PLXDC1: variants seen among roughly 807,000 people sequenced by gnomAD.
PLXDC1 encodes the protein plexin domain-containing protein 1.
PLXDC1 carries 39 observed loss-of-function variants against 61.3 expected under a neutral mutation model. The ratio of observed to expected loss-of-function variants is 0.64; its 90% confidence interval spans 0.49 to 0.83. The LOEUF (loss-of-function observed/expected upper bound fraction) is 0.83, where lower values mean the gene tolerates loss of function less well. Ranked by LOEUF, PLXDC1 falls within the 40% of genes least tolerant of loss-of-function variation. PLXDC1 has a pLI of 0.00. For missense variants in PLXDC1, 596 were observed against 666.5 expected (o/e 0.89, Z 1.17); for synonymous variants, 212 against 254.5 (o/e 0.83, Z 1.59).
In PLXDC1 at chr17:39,151,337, C is replaced by T; in HGVS notation, c.76+25G>A. The T allele has an allele frequency of 2.4e-6, 3 of 1,271,820 alleles. No homozygotes were observed. Among genetic ancestry groups the T allele is most frequent in the Non-Finnish European group, 3.0e-6 (3 of 1,008,036 alleles). The allele number at this position is 1,271,820 out of a possible 1,614,324, so 78.8% of individuals were successfully genotyped here. ...CCGTCCCTCCCCGCCCCCGGCCCAC[C>T]CGGGCCGGCTCCCGCCAGTCCTACC... On this transcript the variant is annotated intron_variant, in intron 1 of 13. Transcript: ENST00000315392. The surrounding 1 kb of genome is among the most constrained non-coding windows in gnomAD (Gnocchi z 5.2).
intron 2 of PLXDC1, among the ~76,000 whole-genome samples, chr17:39,133,145 C>T (rs948546953): frequency 5.9e-5 from 9 of 152,146 alleles, no homozygotes; most frequent in Non-Finnish European, 1.2e-4. Flanking sequence ...ACACCTGTGC[C>T]GGACTCCCAG....
At position 39,069,871 on chromosome 17, in the gene PLXDC1, C is replaced by T. The variant is rs61742536; in HGVS notation, c.1368G>A (p.Ala456=). 54 of 1,613,680 alleles carry T rather than the reference C, an allele frequency of 3.3e-5. No homozygotes were observed. The highest frequency in any genetic ancestry group is 4.2e-5 in the Non-Finnish European group (49 of 1,179,804). Residue 456 remains alanine, a synonymous_variant, in exon 13 of 14, where the codon GCG becomes GCA. Coordinates refer to ENST00000315392, the MANE Select transcript of PLXDC1 (RefSeq NM_020405.5). ...YINGHPTSNA[A]LFFIERRPHH... ...TGACACGGACCTCGATGAAGAAGAG[C>T]GCAGCATTGGATGTGGGGTGGCCAT...
At chr17:39,088,913 C>T (rs943619590) in intron 7 of PLXDC1, among the ~76,000 whole-genome samples, 7 of 120,432 alleles carry the variant, frequency 5.8e-5, no homozygotes, top group Non-Finnish European at 1.1e-4. Context: ...TGTGCCACTG[C>T]ACTCCAGCCT....
intron 2 of PLXDC1, among the ~76,000 whole-genome samples, chr17:39,116,874 C>G (rs556150311): frequency 6.6e-6 from 1 of 152,210 alleles, no homozygotes; most frequent in Non-Finnish European, 1.5e-5. Context: ...AAAGGAGAAA[C>G]CTCGCACCAA....
chr17:39,068,664 G>A (rs1908991652), intron 13 of PLXDC1, among the ~76,000 whole-genome samples: 1 of 152,184 alleles, frequency 6.6e-6, no homozygotes, highest in Non-Finnish European at 1.5e-5. Context: ...GCGACAGAGT[G>A]AGACTGTCTC....
Position 39,143,369 on chromosome 17 carries a change from C to T in PLXDC1, c.77-3537G>A, listed in dbSNP as rs190378936. On this transcript the variant is annotated intron_variant, in intron 1 of 13. Coordinates refer to ENST00000315392, the MANE Select transcript of PLXDC1 (RefSeq NM_020405.5). ...TCAACCTCTGCCTTCCCCCAGCCCACTCCCCAGAGCTCCTGGATGTGGCTC... is the reference window on the plus strand; with the variant it reads ...TCAACCTCTGCCTTCCCCCAGCCCATTCCCCAGAGCTCCTGGATGTGGCTC... 2.3e-3 allele frequency among the ~76,000 whole-genome samples: 345 copies of T among 152,354 alleles called. 8 individuals carry two copies. The East Asian group carries it at 0.036, about 16-fold the overall frequency.
chr17:39,152,795 G>C, upstream of PLXDC1: 27 of 711,146 alleles, frequency 3.8e-5, no homozygotes, highest in South Asian at 7.3e-5. Context: ...GAAAAGAAAA[G>C]AAAAAAAAAC....
chr17:39,129,667 A>AAG (rs1164758453), intron 2 of PLXDC1, among the ~76,000 whole-genome samples: 11 of 93,428 alleles, frequency 1.2e-4, no homozygotes, highest in Non-Finnish European at 2.2e-4. Context: ...GAAAGAAAGA[A>AAG]AGAGAGAGAG....
intron 9 of PLXDC1, 81 bp from the exon 10 acceptor site, chr17:39,079,245 T>G: frequency 1.6e-6 from 2 of 1,220,282 alleles, no homozygotes; most frequent in African/African-American, 1.5e-5. Context: ...AACAGCTCTC[T>G]GCTGATAGTG....
chr17:39,071,610 C>T lies in PLXDC1; in HGVS notation c.1222+840G>A, dbSNP rs117168923. Among the ~76,000 whole-genome samples, 1,273 of 152,216 alleles carry T rather than the reference C, an allele frequency of 8.4e-3. 4 individuals carry two copies. Among genetic ancestry groups the T allele is most frequent in the Non-Finnish European group, 0.015 (1,015 of 68,004 alleles). On this transcript the variant is annotated intron_variant, in intron 12 of 13. Coordinates refer to ENST00000315392, the MANE Select transcript of PLXDC1 (RefSeq NM_020405.5). ...CCCCTGACCTGGATGGCAATCAGCCCGCAGCCTGCAGTGGCTCTGATGATT... is the reference window on the plus strand; with the variant it reads ...CCCCTGACCTGGATGGCAATCAGCCTGCAGCCTGCAGTGGCTCTGATGATT...
intron 1 of PLXDC1, among the ~76,000 whole-genome samples, chr17:39,140,316 C>CTTTTTCTTTTT (rs367716934): frequency 0.07 from 10,617 of 150,996 alleles, 499 homozygotes; most frequent in East Asian, 0.12. Flanking sequence ...TTTTCTTTTT[C>CTTTTTCTTTTT]TTTTTTTGAA....
chr17:39,119,704 C>A (rs1031075681), intron 2 of PLXDC1, among the ~76,000 whole-genome samples: 2 of 152,068 alleles, frequency 1.3e-5, no homozygotes, highest in African/African-American at 4.8e-5. Flanking sequence ...AAGATCGCAC[C>A]ACTGCACCCC....
chr17:39,089,323 T>G (rs1392161105), intron 7 of PLXDC1, among the ~76,000 whole-genome samples: 1 of 152,210 alleles, frequency 6.6e-6, no homozygotes, highest in Non-Finnish European at 1.5e-5. Flanking sequence ...CCCCTGGGAC[T>G]TTTCAACTGT....
intron 13 of PLXDC1, 24 bp downstream of exon 13, chr17:39,069,832 C>A: frequency 6.2e-7 from 1 of 1,602,316 alleles, no homozygotes; most frequent in Non-Finnish European, 8.5e-7. Context: ...AGACAGGAGC[C>A]CTGTGGCCAC....
chr17:39,067,929 A>G lies in PLXDC1; in HGVS notation c.1414T>C (p.Phe472Leu). 6.2e-7 allele frequency: 1 copy of G among 1,614,084 alleles called. No individual in the cohort carries two copies. Among genetic ancestry groups the G allele is most frequent in the South Asian group, 1.1e-5 (1 of 91,082 alleles). ...GTGGAATGGTCAGGGTGGCTGCGAA[A>G]CTTCATGGCTGGCCAGTGGTGAGGT... ...RRPHHWPAMKFRSHPDHSTYA... is the reference protein window; with the variant it reads ...RRPHHWPAMKLRSHPDHSTYA... Residue 472 changes from phenylalanine to leucine, a missense_variant, in exon 14 of 14, where the codon TTT becomes CTT. Transcript: ENST00000315392.
intron 8 of PLXDC1, among the ~76,000 whole-genome samples, chr17:39,086,233 C>A: frequency 6.6e-6 from 1 of 152,292 alleles, no homozygotes; most frequent in East Asian, 1.9e-4. Flanking sequence ...AGGCCCTGAG[C>A]CTTCTGCCCC....
At position 39,063,315 on chromosome 17, in the gene PLXDC1, C is replaced by G. The variant is rs1227882513; in HGVS notation, c.*4525G>C. On this transcript the variant is annotated 3_prime_UTR_variant, in exon 14 of 14. Coordinates refer to ENST00000315392, the MANE Select transcript of PLXDC1 (RefSeq NM_020405.5). ...GCATCCAGAAATGTGACAGCATAGA[C>G]TTTCTCAGATTTATTGTATGTCCTC... The G allele has an allele frequency of 5.2e-6, 3 of 579,662 alleles. No homozygotes were observed. In the African/African-American group the frequency reaches 5.6e-5, roughly 11 times the overall value. The allele number at this position is 579,662 out of a possible 1,614,324, so 35.9% of individuals were successfully genotyped here.
At chr17:39,115,325 G>A (rs1430080105) in intron 2 of PLXDC1, among the ~76,000 whole-genome samples, 8 of 152,238 alleles carry the variant, frequency 5.3e-5, no homozygotes, top group Non-Finnish European at 5.9e-5. Flanking sequence ...CAAGAGCCTC[G>A]AAGCCTAACG....
At chr17:39,103,699 A>G (rs528741142) in intron 7 of PLXDC1, among the ~76,000 whole-genome samples, 1 of 152,108 alleles carries the variant, frequency 6.6e-6, no homozygotes, top group Admixed American at 6.5e-5. Flanking sequence ...TACAAAAATC[A>G]GCCAGGCGTG....
Sources: allele counts gnomAD v4.1 joint callset (sites outside exome capture counted in the v4.1 genomes callset), GRCh38; gene constraint gnomAD v4.1.1; non-coding constraint Gnocchi (gnomAD v3.1); transcripts MANE v1.5; gene names NCBI Gene and HGNC (gene_info 2026-07-23, HGNC 2026-07-21).